The following TRIM2 variants were observed in gnomAD, a reference collection of about 807,000 sequenced individuals.
TRIM2 encodes the protein tripartite motif containing 2.
Under a neutral mutation model 75.2 loss-of-function variants are expected in TRIM2, and 20 were observed. The observed-to-expected ratio is 0.27, with a 90% CI of 0.19 to 0.39. The LOEUF is 0.39. TRIM2 is among the 10% of genes least tolerant of loss of function. The pLI is 1.00. For missense variants in TRIM2, 660 were observed against 990.8 expected (o/e 0.67, Z 4.48); for synonymous variants, 373 against 388.3 (o/e 0.96, Z 0.46).
At chr4:153,242,242 T>C (rs10009522) in intron 1 of TRIM2, among the ~76,000 whole-genome samples, 39,130 of 152,136 alleles carry the variant, frequency 0.26, 7,189 homozygotes, top group African/African-American at 0.53. Context: ...TTTTTATTGT[T>C]AAGGTCACTC....
At chr4:153,247,474 G>A (rs1458490903) in intron 1 of TRIM2, among the ~76,000 whole-genome samples, 1 of 152,122 alleles carries the variant, frequency 6.6e-6, no homozygotes, top group Non-Finnish European at 1.5e-5. Context: ...TCAGGAGTTT[G>A]AGATCAGCCT....
At chr4:153,322,562 C>A in intron 8 of TRIM2, 86 bp from the exon 9 acceptor site, 1 of 1,456,324 alleles carries the variant, frequency 6.9e-7, no homozygotes, top group South Asian at 1.4e-5. Context: ...TAAATGTTGA[C>A]CAAAACAGTG....
Position 153,212,788 on chromosome 4 carries a change from T to C in TRIM2, c.30+8228T>C, listed in dbSNP as rs372144994. On this transcript the variant is annotated intron_variant, in intron 1 of 11. Transcript: ENST00000338700. ...GTGGGTGGTTTTGTTTGGGGGCCTG[T>C]CTTCTTTATTCCCTTTTCTTTTTTC... 1.5e-3 allele frequency among the ~76,000 whole-genome samples: 228 copies of C among 152,354 alleles called. 1 individual carries two copies. In the South Asian group the frequency reaches 0.038, roughly 25 times the overall value.
At chr4:153,183,964 C>T (rs1204599891) in intron 1 of TRIM2, among the ~76,000 whole-genome samples, 1 of 152,116 alleles carries the variant, frequency 6.6e-6, no homozygotes, top group African/African-American at 2.4e-5. Flanking sequence ...GGTAATATTG[C>T]CTACCTCATA....
chr4:153,256,926 T>G (rs747433472), intron 1 of TRIM2, among the ~76,000 whole-genome samples: 28 of 152,136 alleles, frequency 1.8e-4, no homozygotes, highest in Non-Finnish European at 3.1e-4. Context: ...TGTTTGTTTG[T>G]TTTTTGCATT....
intron 1 of TRIM2, chr4:153,153,296 C>G (rs528896675): frequency 7.9e-5 from 12 of 152,368 alleles, no homozygotes; most frequent in African/African-American, 2.9e-4. Flanking sequence ...CCCCGCGCTG[C>G]TGGCAGGCGG....
At chr4:153,222,400 C>T (rs1740842935) in intron 1 of TRIM2, 1 of 152,212 alleles carries the variant, frequency 6.6e-6, no homozygotes, top group South Asian at 2.1e-4. Context: ...GACCTGAAAA[C>T]CGAGCCAACC....
chr4:153,280,384 C>CTTTTTTTTTTT lies in TRIM2; in HGVS notation c.453+4260_453+4270dup, dbSNP rs3048122. ...TTAATTAAAATACCCCAGCAAATTC[C>CTTTTTTTTTTT]TTTTTTTTTTTTTTTTGCTGGGTCT... On this transcript the variant is annotated intron_variant, in intron 3 of 11. Coordinates refer to ENST00000338700, the MANE Select transcript of TRIM2 (RefSeq NM_015271.5). Among the ~76,000 whole-genome samples the CTTTTTTTTTTT allele has an allele frequency of 4.2e-4, 49 of 116,958 alleles. 5 individuals carry two copies. The highest frequency in any genetic ancestry group is 5.4e-4 in the Non-Finnish European group (32 of 59,628). The allele number at this position is 116,958 out of a possible 152,430, so 76.7% of individuals were successfully genotyped here. A position where few individuals can be genotyped will look rare whatever the true frequency, so the allele number is the denominator to read the frequency against.
At chr4:153,264,601 A>G (rs1002314151) in intron 1 of TRIM2, among the ~76,000 whole-genome samples, 1 of 152,224 alleles carries the variant, frequency 6.6e-6, no homozygotes, top group Non-Finnish European at 1.5e-5. Flanking sequence ...TTGCTTTTTT[A>G]ATCAAGGAGA....
chr4:153,332,440 T>C (rs1579823537), intron 11 of TRIM2, among the ~76,000 whole-genome samples: 1 of 151,924 alleles, frequency 6.6e-6, no homozygotes, highest in East Asian at 1.9e-4. Context: ...AGGTCAGGAG[T>C]TTGAGACCAG....
intron 1 of TRIM2, among the ~76,000 whole-genome samples, chr4:153,269,762 C>A (rs961936444): frequency 6.6e-6 from 1 of 152,096 alleles, no homozygotes; most frequent in Non-Finnish European, 1.5e-5. Context: ...GTACAACATG[C>A]CCTCTTTTAA....
At chr4:153,177,644 TC>T (rs61641662) in intron 1 of TRIM2, among the ~76,000 whole-genome samples, 2,538 of 148,060 alleles carry the variant, frequency 0.017, 72 homozygotes, top group African/African-American at 0.059. Context: ...AGACTCCTTC[TC>T]CAAAAAAAAA....
intron 1 of TRIM2, among the ~76,000 whole-genome samples, chr4:153,233,242 G>A (rs1744134191): frequency 6.6e-6 from 1 of 152,088 alleles, no homozygotes; most frequent in Non-Finnish European, 1.5e-5. Flanking sequence ...AGGAGAAGAG[G>A]GACGACTGGG....
intron 1 of TRIM2, among the ~76,000 whole-genome samples, chr4:153,212,813 C>T (rs1737429878): frequency 6.6e-6 from 1 of 151,916 alleles, no homozygotes; most frequent in Non-Finnish European, 1.5e-5. Context: ...TTTCTTTTTT[C>T]TCTTAATCAA....
intron 1 of TRIM2, among the ~76,000 whole-genome samples, chr4:153,198,282 C>T (rs939291436): frequency 6.6e-6 from 1 of 152,104 alleles, no homozygotes; most frequent in East Asian, 1.9e-4. Flanking sequence ...CCAGAATTCC[C>T]GCATGTTGTG....
At chr4:153,178,592 T>A (rs1413609238) in intron 1 of TRIM2, among the ~76,000 whole-genome samples, 1 of 152,132 alleles carries the variant, frequency 6.6e-6, no homozygotes, top group Non-Finnish European at 1.5e-5. Flanking sequence ...AACAGTGTTT[T>A]TGGTTCCTTG....
intron 1 of TRIM2, among the ~76,000 whole-genome samples, chr4:153,220,494 A>C (rs149694848): frequency 5.9e-5 from 9 of 152,312 alleles, no homozygotes; most frequent in Non-Finnish European, 1.3e-4. Context: ...CAGCCCGTAG[A>C]ATAAGAACAA....
Position 153,337,497 on chromosome 4 carries a change from A to G in TRIM2, c.*2531A>G. The G allele has an allele frequency of 2.0e-6, 2 of 985,870 alleles. No individual in the cohort carries two copies. The highest frequency in any genetic ancestry group is 2.4e-6 in the Non-Finnish European group (2 of 829,930). 61.1% of individuals were successfully genotyped at this position (985,870 alleles called of 1,614,324 possible). A position where few individuals can be genotyped will look rare whatever the true frequency, so the allele number is the denominator to read the frequency against. The stretch of plus-strand genomic sequence containing the variant: ...AAACACATGCTATGAGCACTCCAGG[A>G]AACACTATATTTTTTCCAAAAAATA... On this transcript the variant is annotated 3_prime_UTR_variant, in exon 12 of 12. Coordinates refer to ENST00000338700, the MANE Select transcript of TRIM2 (RefSeq NM_015271.5).
intron 1 of TRIM2, among the ~76,000 whole-genome samples, chr4:153,209,113 G>A (rs937858279): frequency 6.6e-6 from 1 of 152,208 alleles, no homozygotes; most frequent in African/African-American, 2.4e-5. Context: ...GAAAAATGGT[G>A]GACAGGCCCC....
Sources: allele counts gnomAD v4.1 joint callset (sites outside exome capture counted in the v4.1 genomes callset), GRCh38; gene constraint gnomAD v4.1.1; transcripts MANE v1.5; gene names NCBI Gene and HGNC (gene_info 2026-07-23, HGNC 2026-07-21).